SND1: variants seen among roughly 807,000 people sequenced by gnomAD.
SND1 encodes staphylococcal nuclease and tudor domain containing 1.
A neutral mutation model predicts 121.7 loss-of-function variants in SND1; 38 were observed. That is an observed-to-expected ratio of 0.31 (90% CI 0.24 to 0.41). SND1 has a LOEUF of 0.41. Among genes scored for constraint, SND1 ranks in the 10% least tolerant of loss-of-function variants. The pLI is 1.00. For synonymous variants in SND1, 401 were observed against 447.4 expected (o/e 0.90, Z 1.31); for missense variants, 868 against 1,184.6 (o/e 0.73, Z 3.92).
At chr7:127,815,021 G>A (rs1037317106) in intron 11 of SND1, among the ~76,000 whole-genome samples, 1 of 152,092 alleles carries the variant, frequency 6.6e-6, no homozygotes, top group Non-Finnish European at 1.5e-5. Flanking sequence ...TATTTTTATT[G>A]ACACCCAGAA....
chr7:127,980,100 ATTCTTT>A (rs1802223153), intron 15 of SND1, among the ~76,000 whole-genome samples: 1 of 96,158 alleles, frequency 1.0e-5, no homozygotes, highest in East Asian at 2.2e-4. Flanking sequence ...ATTTTATTTT[ATTCTTT>A]TTCTTTTTTT....
rs189744546 is a variant in SND1, at chr7:127,850,041, A to T, written c.1343+5617A>T. 3.0e-4 allele frequency among the ~76,000 whole-genome samples: 45 copies of T among 152,366 alleles called. No homozygotes were observed. The East Asian group carries it at 8.3e-3, about 28-fold the overall frequency. The stretch of plus-strand genomic sequence containing the variant: ...GTATGAACCAGACTATTAAATTTGC[A>T]AAGAATAAGACTGCCTTTGCTTTTG... On this transcript the variant is annotated intron_variant, in intron 12 of 23. Coordinates refer to ENST00000354725, the MANE Select transcript of SND1 (RefSeq NM_014390.4).
intron 15 of SND1, among the ~76,000 whole-genome samples, chr7:127,971,771 A>T (rs909625764): frequency 2.1e-5 from 3 of 141,098 alleles, no homozygotes; most frequent in African/African-American, 5.2e-5. Context: ...TGCTGAATTA[A>T]TTTTTTTTTT....
intron 9 of SND1, among the ~76,000 whole-genome samples, chr7:127,715,176 T>A (rs1796365587): frequency 7.2e-6 from 1 of 139,300 alleles, no homozygotes; most frequent in Non-Finnish European, 1.6e-5. Context: ...TTTTTTTTTT[T>A]ATAGTGGCCG....
At chr7:127,989,489 TAC>T (rs958822895) in intron 15 of SND1, among the ~76,000 whole-genome samples, 54 of 152,204 alleles carry the variant, frequency 3.5e-4, no homozygotes, top group African/African-American at 1.2e-3. Context: ...GCTTTATTCA[TAC>T]ACAGAGATGT....
chr7:127,802,285 A>G (rs1584584053), intron 10 of SND1, among the ~76,000 whole-genome samples: 1 of 152,136 alleles, frequency 6.6e-6, no homozygotes, highest in Admixed American at 6.6e-5. Flanking sequence ...GTTTAAACCC[A>G]TGTCATTCAA....
chr7:127,859,157 T>C (rs1323071981), intron 12 of SND1, among the ~76,000 whole-genome samples: 1 of 152,220 alleles, frequency 6.6e-6, no homozygotes, highest in East Asian at 1.9e-4. Flanking sequence ...TTAAGTGATG[T>C]TTAATGTCAA....
intron 14 of SND1, among the ~76,000 whole-genome samples, chr7:127,909,163 A>G (rs1204918048): frequency 6.6e-6 from 1 of 152,212 alleles, no homozygotes; most frequent in Admixed American, 6.5e-5. Context: ...GTACAAGAAG[A>G]TAGCATCCTC....
intron 13 of SND1, among the ~76,000 whole-genome samples, chr7:127,897,148 C>T (rs887588305): frequency 2.0e-5 from 3 of 152,102 alleles, no homozygotes; most frequent in Admixed American, 6.6e-5. Flanking sequence ...CTCTGCCTCC[C>T]GCCAGCACCC....
intron 12 of SND1, among the ~76,000 whole-genome samples, chr7:127,886,263 A>G (rs112080514): frequency 6.6e-6 from 1 of 151,938 alleles, no homozygotes; most frequent in African/African-American, 2.4e-5. Context: ...CAGCCACTGC[A>G]TCTTTTCCTC....
rs1435241774 is a variant in SND1, at chr7:127,728,494, G to A, written c.1152+7094G>A. The stretch of plus-strand genomic sequence containing the variant: ...TGCCCTGTGAGCATTTACTGTACTT[G>A]CTGTGCTGAGGTAACCCTCTTCCTT... On this transcript the variant is annotated intron_variant, in intron 10 of 23. Coordinates refer to ENST00000354725, the MANE Select transcript of SND1 (RefSeq NM_014390.4). Among the ~76,000 whole-genome samples, 3 of 152,284 alleles carry A rather than the reference G, an allele frequency of 2.0e-5. No homozygotes were observed. The East Asian group carries it at 5.8e-4, about 29-fold the overall frequency.
In SND1 at chr7:127,701,284, A is replaced by G. The variant is rs753745383; in HGVS notation, c.550A>G (p.Arg184Gly). 1 of 1,614,074 alleles carries G rather than the reference A, an allele frequency of 6.2e-7. No individual in the cohort carries two copies. Among genetic ancestry groups the G allele is most frequent in the African/African-American group, 1.3e-5 (1 of 75,040 alleles). ...RDLKYTIENP[R>G]HFVDSHHQKP... ...TCTCAAGTATACCATTGAAAACCCA[A>G]GGCACTTTGTGGACTCACACCACCA... Residue 184 changes from arginine to glycine, a missense_variant, in exon 5 of 24, where the codon AGG becomes GGG. Coordinates refer to ENST00000354725, the MANE Select transcript of SND1 (RefSeq NM_014390.4).
In SND1 at chr7:127,993,321, G is replaced by T. The variant is rs181590020; in HGVS notation, c.1779+2265G>T. 5.3e-5 allele frequency among the ~76,000 whole-genome samples: 8 copies of T among 152,252 alleles called. No homozygotes were observed. In the East Asian group the frequency reaches 1.5e-3, roughly 29 times the overall value. Reference sequence around the variant, plus strand: ...TACCTCCATTTTTATTTCATAAGTTGTCTTGGGGAATGCTTCTCTTTGTCC... The same window carrying T: ...TACCTCCATTTTTATTTCATAAGTTTTCTTGGGGAATGCTTCTCTTTGTCC... On this transcript the variant is annotated intron_variant, in intron 16 of 23. Transcript: ENST00000354725.
At chr7:127,831,122 A>G (rs1351238359) in intron 11 of SND1, among the ~76,000 whole-genome samples, 1 of 152,194 alleles carries the variant, frequency 6.6e-6, no homozygotes, top group Admixed American at 6.5e-5. Flanking sequence ...AGGGAGACAG[A>G]ATGAATCCAG....
At chr7:127,653,659 A>C (rs1418969600) in intron 1 of SND1, among the ~76,000 whole-genome samples, 2 of 152,152 alleles carry the variant, frequency 1.3e-5, no homozygotes, top group African/African-American at 4.8e-5. Context: ...ATTCTATTTT[A>C]TTACCCTGTT....
Position 127,868,948 on chromosome 7 carries a change from C to G in SND1, c.1344-18954C>G, listed in dbSNP as rs145313786. On this transcript the variant is annotated intron_variant, in intron 12 of 23. Coordinates refer to ENST00000354725, the MANE Select transcript of SND1 (RefSeq NM_014390.4). The stretch of plus-strand genomic sequence containing the variant: ...CCAGTTCTTTGCACTGGGGATAGAT[C>G]AGTGCATATGATAGAGAGATCTATT... Among the ~76,000 whole-genome samples, 478 of 152,140 alleles carry G rather than the reference C, an allele frequency of 3.1e-3. 1 individual carries two copies. Among genetic ancestry groups the G allele is most frequent in the Non-Finnish European group, 5.4e-3 (366 of 68,004 alleles).
chr7:127,864,188 C>T (rs1444882364), intron 12 of SND1, among the ~76,000 whole-genome samples: 2 of 102,578 alleles, frequency 1.9e-5, no homozygotes, highest in African/African-American at 7.8e-5. Context: ...ACCCCCCACC[C>T]CAGGAAATTA....
intron 14 of SND1, among the ~76,000 whole-genome samples, chr7:127,906,523 A>C (rs1014550677): frequency 6.6e-6 from 1 of 152,236 alleles, no homozygotes; most frequent in Non-Finnish European, 1.5e-5. Context: ...GAAAAAAGTT[A>C]TAAGTGCTTT....
intron 11 of SND1, among the ~76,000 whole-genome samples, chr7:127,840,509 A>G (rs1295185536): frequency 6.6e-6 from 1 of 152,206 alleles, no homozygotes; most frequent in Non-Finnish European, 1.5e-5. Flanking sequence ...AGGAGAACCC[A>G]TCTATATTAA....
Sources: allele counts gnomAD v4.1 joint callset (sites outside exome capture counted in the v4.1 genomes callset), GRCh38; gene constraint gnomAD v4.1.1; transcripts MANE v1.5; gene names NCBI Gene and HGNC (gene_info 2026-07-23, HGNC 2026-07-21).